ZNF583: variants seen among roughly 807,000 people sequenced by gnomAD.
ZNF583 encodes the protein zinc finger protein L3-5.
A neutral mutation model predicts 55.3 loss-of-function variants in ZNF583; 30 were observed. That is an observed-to-expected ratio of 0.54 (90% CI 0.41 to 0.74). The LOEUF (loss-of-function observed/expected upper bound fraction) is 0.74. ZNF583 is among the 30% of genes least tolerant of loss of function. The probability of loss-of-function intolerance (pLI) is 0.00; values close to 1 mark genes in which losing one functional copy is unlikely to be tolerated. For missense variants in ZNF583, 504 were observed against 664.7 expected (o/e 0.76, Z 2.66); for synonymous variants, 208 against 220.0 (o/e 0.95, Z 0.48).
chr19:56,409,541 G>A (rs534004084), intron 2 of ZNF583, among the ~76,000 whole-genome samples: 1 of 151,974 alleles, frequency 6.6e-6, no homozygotes, highest in African/African-American at 2.4e-5. Flanking sequence ...TCACTATTTT[G>A]CCCAGGCTGG....
Position 56,423,865 on chromosome 19 carries a change from A to G in ZNF583, c.1207A>G (p.Thr403Ala), listed in dbSNP as rs1170684971. The change falls in exon 5 of 5, where the codon ACT (threonine) becomes GCT (alanine). Residue 403 changes from threonine to alanine, a missense_variant. Thr to Ala is a moderately conservative substitution (Grantham distance 58). Coordinates refer to ENST00000333201, the MANE Select transcript of ZNF583 (RefSeq NM_152478.3). ...CCTTGCTCAACATCAGAGAGTTCAT[A>G]CTGGAGAAAAACCTTATGAATGTAA... ...AHLAQHQRVH[T>A]GEKPYECKVC... 3 of 1,614,064 alleles carry G rather than the reference A, an allele frequency of 1.9e-6. No individual in the cohort carries two copies. The highest frequency in any genetic ancestry group is 2.5e-6 in the Non-Finnish European group (3 of 1,179,972).
chr19:56,419,312 C>T (rs2042377458), intron 4 of ZNF583, among the ~76,000 whole-genome samples: 1 of 151,708 alleles, frequency 6.6e-6, no homozygotes, highest in African/African-American at 2.4e-5. Context: ...TCTCCTGCCT[C>T]AGCCTCCCGA....
At chr19:56,406,753 T>C (rs1395941347) in intron 1 of ZNF583, among the ~76,000 whole-genome samples, 1 of 152,152 alleles carries the variant, frequency 6.6e-6, no homozygotes, top group African/African-American at 2.4e-5. Context: ...GGTCTCGATC[T>C]CCTGACTTCG....
At position 56,424,482 on chromosome 19, in the gene ZNF583, CT is replaced by C; in HGVS notation, c.*115del. ...TAGCTTTCTAATTGGTCTCCTTGTA[CT>C]CACCATTGTCTCTGTCAGATGTCCA... On this transcript the variant is annotated 3_prime_UTR_variant, in exon 5 of 5. Transcript: ENST00000333201. 1.7e-6 allele frequency: 1 copy of C among 596,092 alleles called. No homozygotes were observed. The highest frequency in any genetic ancestry group is 3.0e-6 in the Non-Finnish European group (1 of 335,682). 36.9% of individuals were successfully genotyped at this position (596,092 alleles called of 1,614,324 possible). A position where few individuals can be genotyped will look rare whatever the true frequency, so the allele number is the denominator to read the frequency against.
intron 2 of ZNF583, among the ~76,000 whole-genome samples, chr19:56,412,048 G>A (rs1443682031): frequency 6.6e-6 from 1 of 152,218 alleles, no homozygotes; most frequent in Non-Finnish European, 1.5e-5. Context: ...ACTTATCCTA[G>A]CTGGGATCCT....
rs2042458569 is a variant in ZNF583, at chr19:56,423,752, G to T, written c.1094G>T (p.Gly365Val). 1 of 1,609,174 alleles carries T rather than the reference G, an allele frequency of 6.2e-7. No homozygotes were observed. The highest frequency in any genetic ancestry group is 1.4e-5 in the African/African-American group (1 of 73,212). ...TGTGGGAAAGCCTTTAGCCATCGTG[G>T]ATACCTAATTGTACATCAGAGAATT... ...NVCGKAFSHR[G>V]YLIVHQRIHT... Residue 365 changes from glycine (G) to valine (V), a missense_variant, in exon 5 of 5, where the codon GGA (glycine) becomes GTA (valine). Around this residue, in one of 3 missense-constraint regions of ZNF583, gnomAD observed 237 missense variants for 373.0 expected, o/e 0.64. Coordinates refer to ENST00000333201, the MANE Select transcript of ZNF583 (RefSeq NM_152478.3).
At chr19:56,419,904 TTTG>T (rs1360737125) in intron 4 of ZNF583, among the ~76,000 whole-genome samples, 2 of 152,142 alleles carry the variant, frequency 1.3e-5, no homozygotes, top group Non-Finnish European at 2.9e-5. Flanking sequence ...AGAACCTACT[TTTG>T]TTTTATTTCC....
Position 56,424,909 on chromosome 19 carries a change from CGTGCCTAGCATAAA to C in ZNF583, c.*544_*557del, listed in dbSNP as rs2042479751. 1 of 153,720 alleles carries C rather than the reference CGTGCCTAGCATAAA, an allele frequency of 6.5e-6. No homozygotes were observed. The highest frequency in any genetic ancestry group is 2.0e-4 in the South Asian group (1 of 4,910). The allele number at this position is 153,720 out of a possible 1,614,324, so 9.5% of individuals were successfully genotyped here. On this transcript the variant is annotated 3_prime_UTR_variant, in exon 5 of 5. Transcript: ENST00000333201. ...ATAATGCATGTAAATTGCTCAGCAG[CGTGCCTAGCATAAA>C]GTAATTACTCAAACCATAATGTAAA...
At chr19:56,422,596 T>C (rs1041462739) in intron 4 of ZNF583, among the ~76,000 whole-genome samples, 3 of 152,174 alleles carry the variant, frequency 2.0e-5, no homozygotes, top group Non-Finnish European at 2.9e-5. Context: ...GGATAACCTA[T>C]GACAAGAGAG....
chr19:56,410,287 T>G (rs12976615), intron 2 of ZNF583, among the ~76,000 whole-genome samples: 27,696 of 152,148 alleles, frequency 0.18, 2,734 homozygotes, highest in East Asian at 0.4. Context: ...ATAGTGTAAT[T>G]AAAAATTTTT....
intron 4 of ZNF583, among the ~76,000 whole-genome samples, chr19:56,418,230 A>G (rs745327716): frequency 1.3e-5 from 2 of 152,178 alleles, no homozygotes; most frequent in African/African-American, 2.4e-5. Context: ...ACCTCTTAAC[A>G]TTGAGTCTTC....
At chr19:56,405,455 T>G (rs2042131808) in intron 1 of ZNF583, among the ~76,000 whole-genome samples, 1 of 152,034 alleles carries the variant, frequency 6.6e-6, no homozygotes. Flanking sequence ...CAGGAAGCTG[T>G]GTGGGTGCTT....
In ZNF583 at chr19:56,423,799, G is replaced by A. The variant is rs770179377; in HGVS notation, c.1141G>A (p.Glu381Lys). The A allele has an allele frequency of 1.3e-5, 21 of 1,611,840 alleles. No individual in the cohort carries two copies. The highest frequency in any genetic ancestry group is 2.7e-5 in the African/African-American group (2 of 74,090). ...AATTCATACTGGAGAGAGACCCTAC[G>A]AATGTAAGGAATGTAGGAAAGCCTT... ...QRIHTGERPY[E>K]CKECRKAFSQ... Residue 381 changes from glutamate (E) to lysine (K), a missense_variant, in exon 5 of 5, where the codon GAA becomes AAA. Around this residue, in one of 3 missense-constraint regions of ZNF583, gnomAD observed 237 missense variants for 373.0 expected, o/e 0.64. Transcript: ENST00000333201.
At chr19:56,422,847 A>G in intron 4 of ZNF583, 44 bp from the exon 5 acceptor site, 1 of 1,443,852 alleles carries the variant, frequency 6.9e-7, no homozygotes, top group Non-Finnish European at 9.3e-7. Context: ...AATTTCTTCT[A>G]GTGAATTAAA....
chr19:56,416,324 C>CAA (rs34537682), intron 4 of ZNF583, among the ~76,000 whole-genome samples: 12 of 65,350 alleles, frequency 1.8e-4, no homozygotes, highest in East Asian at 9.5e-4. Context: ...GACTCCGTCT[C>CAA]AAAAAAAAAA....
Position 56,422,939 on chromosome 19 carries a change from C to A in ZNF583, c.281C>A (p.Thr94Lys). 1 of 1,612,830 alleles carries A rather than the reference C, an allele frequency of 6.2e-7. No individual in the cohort carries two copies. The change falls in exon 5 of 5, where the codon ACA becomes AAA. Residue 94 changes from threonine (T) to lysine (K), a missense_variant. Thr to Lys is a moderately conservative substitution (Grantham distance 78). This residue lies in a region of ZNF583 where 204 missense variants were observed against 235.2 expected (regional missense o/e 0.87). Coordinates refer to ENST00000333201, the MANE Select transcript of ZNF583 (RefSeq NM_152478.3). Reference sequence around the variant, plus strand: ...AGTGAATTTTCATCAAAGCAAGAGACATATGAAGAATCATCCAAAGTTGTG... The same window carrying A: ...AGTGAATTTTCATCAAAGCAAGAGAAATATGAAGAATCATCCAAAGTTGTG... ...KNSEFSSKQE[T>K]YEESSKVVTV... is the part of the protein sequence containing the mutation.
intron 4 of ZNF583, chr19:56,414,804 A>G (rs1194809675): frequency 1.2e-5 from 2 of 162,398 alleles, no homozygotes; most frequent in Admixed American, 1.2e-4. Context: ...GAGTGGGTGG[A>G]TCACTTGAGC....
chr19:56,413,528 G>T (rs2042269862), intron 2 of ZNF583, among the ~76,000 whole-genome samples: 1 of 152,060 alleles, frequency 6.6e-6, no homozygotes, highest in African/African-American at 2.4e-5. Context: ...ACTGAGTTTG[G>T]AAAAATGCCA....
chr19:56,423,513 A>G lies in ZNF583; in HGVS notation c.855A>G (p.Gln285=), dbSNP rs1233045745. The stretch of plus-strand genomic sequence containing the variant: ...TCAGCCAGAATGCACACCTGGCCCA[A>G]CATCAGAGAGTTCATACTGGAGAGA... ...KAFSQNAHLA[Q]HQRVHTGEKP... is the part of the protein sequence containing the mutation. The change falls in exon 5 of 5, where the codon CAA becomes CAG. Residue 285 remains glutamine, a synonymous_variant. Transcript: ENST00000333201. 6.2e-7 allele frequency: 1 copy of G among 1,613,928 alleles called. No homozygotes were observed. Among genetic ancestry groups the G allele is most frequent in the Non-Finnish European group, 8.5e-7 (1 of 1,179,964 alleles).
Sources: allele counts gnomAD v4.1 joint callset (sites outside exome capture counted in the v4.1 genomes callset), GRCh38; gene constraint gnomAD v4.1.1; regional missense constraint gnomAD v4.1.1; transcripts MANE v1.5; gene names NCBI Gene and HGNC (gene_info 2026-07-23, HGNC 2026-07-21).